Variants in SIPA1L1 observed in about 807,000 individuals in gnomAD.
SIPA1L1 encodes the protein signal induced proliferation associated 1 like 1.
A neutral mutation model predicts 162.7 loss-of-function variants in SIPA1L1; 26 were observed. The ratio of observed to expected loss-of-function variants is 0.16; its 90% CI spans 0.12 to 0.22. The LOEUF is 0.22. Among genes scored for constraint, SIPA1L1 ranks in the 10% least tolerant of loss-of-function variants. The pLI is 1.00. For synonymous variants in SIPA1L1, 829 were observed against 837.4 expected, an observed-to-expected ratio of 0.99 and a Z score of 0.17; for missense variants, 1,874 against 2,241.0, an observed-to-expected ratio of 0.84 and a Z score of 3.31.
chr14:71,325,174 C>G (rs1193116360), intron 2 of SIPA1L1, among the ~76,000 whole-genome samples: 1 of 152,174 alleles, frequency 6.6e-6, no homozygotes, highest in African/African-American at 2.4e-5. Context: ...ATCTGACCTT[C>G]TATCTGCTGC....
chr14:71,609,122 C>G (rs1314867097), intron 5 of SIPA1L1, among the ~76,000 whole-genome samples: 2 of 152,044 alleles, frequency 1.3e-5, no homozygotes, highest in African/African-American at 4.8e-5. Flanking sequence ...CATGCCATCT[C>G]TTATTTAAAG....
At chr14:71,625,281 G>A (rs1328154558) in intron 7 of SIPA1L1, among the ~76,000 whole-genome samples, 1 of 151,078 alleles carries the variant, frequency 6.6e-6, no homozygotes, top group African/African-American at 2.4e-5. Context: ...GCAATAGTTA[G>A]ATGTCTCTTT....
intron 17 of SIPA1L1, among the ~76,000 whole-genome samples, chr14:71,716,238 A>G (rs1423145770): frequency 1.3e-5 from 2 of 152,228 alleles, no homozygotes; most frequent in African/African-American, 2.4e-5. Flanking sequence ...TGCTGAACAC[A>G]GTGGGAGGAG....
chr14:71,490,780 G>T (rs1322025948), intron 2 of SIPA1L1, among the ~76,000 whole-genome samples: 5 of 152,104 alleles, frequency 3.3e-5, no homozygotes, highest in African/African-American at 4.8e-5. Flanking sequence ...CAAAGTAATT[G>T]CTTACAATAG....
intron 7 of SIPA1L1, among the ~76,000 whole-genome samples, chr14:71,633,568 C>A (rs189975443): frequency 6.6e-6 from 1 of 152,146 alleles, no homozygotes; most frequent in South Asian, 2.1e-4. Context: ...AAAAATAGAA[C>A]AGTCAAAATG....
At chr14:71,590,008 T>A (rs1447924022) in intron 5 of SIPA1L1, among the ~76,000 whole-genome samples, 1 of 136,464 alleles carries the variant, frequency 7.3e-6, no homozygotes, top group African/African-American at 2.8e-5. Context: ...AATCTTTTCT[T>A]TGAGTGGGAG....
intron 2 of SIPA1L1, among the ~76,000 whole-genome samples, chr14:71,333,732 G>A (rs1372365724): frequency 6.6e-6 from 1 of 152,212 alleles, no homozygotes. Context: ...GGAAGCCACT[G>A]GAGGGTTTTG....
At chr14:71,627,675 T>A (rs370040254) in intron 7 of SIPA1L1, among the ~76,000 whole-genome samples, 3 of 152,212 alleles carry the variant, frequency 2.0e-5, no homozygotes, top group Non-Finnish European at 4.4e-5. Context: ...CTAATCACTT[T>A]ACTGGCATAA....
intron 7 of SIPA1L1, among the ~76,000 whole-genome samples, chr14:71,638,929 T>C (rs969895683): frequency 1.6e-4 from 25 of 152,306 alleles, no homozygotes; most frequent in African/African-American, 5.5e-4. Context: ...CCAAACATGA[T>C]AGCCTGTGCC....
Position 71,450,550 on chromosome 14 carries a change from A to G in SIPA1L1, c.-464-62193A>G, listed in dbSNP as rs112877716. 5.2e-3 allele frequency among the ~76,000 whole-genome samples: 799 copies of G among 152,328 alleles called. 10 individuals are homozygous for G. The highest frequency in any genetic ancestry group is 0.018 in the African/African-American group (751 of 41,574). Reference sequence around the variant, plus strand: ...TTACAGACTTTTAATTTATGGCTCTATCTAGTACTGCATTCAACTTCGGAG... The same window carrying G: ...TTACAGACTTTTAATTTATGGCTCTGTCTAGTACTGCATTCAACTTCGGAG... On this transcript the variant is annotated intron_variant, in intron 2 of 23. Coordinates refer to ENST00000381232, the MANE Select transcript of SIPA1L1 (RefSeq NM_001386936.1).
chr14:71,380,716 G>A (rs950031554), intron 2 of SIPA1L1, among the ~76,000 whole-genome samples: 3 of 152,202 alleles, frequency 2.0e-5, no homozygotes, highest in Non-Finnish European at 4.4e-5. Context: ...GCAGGGAAAT[G>A]ATTCCAAGTA....
intron 2 of SIPA1L1, among the ~76,000 whole-genome samples, chr14:71,512,431 AC>A (rs1453659669): frequency 6.6e-6 from 1 of 151,848 alleles, no homozygotes; most frequent in African/African-American, 2.4e-5. Context: ...TACTAAAAAT[AC>A]AAAAATTAGC....
At chr14:71,361,666 G>C (rs1401466628) in intron 2 of SIPA1L1, among the ~76,000 whole-genome samples, 2 of 152,124 alleles carry the variant, frequency 1.3e-5, no homozygotes, top group African/African-American at 4.8e-5. Context: ...TGAGAAAAAA[G>C]CCTCCTGAGA....
chr14:71,624,163 A>G lies in SIPA1L1; in HGVS notation c.1745A>G (p.Asn582Ser), dbSNP rs879078160. Residue 582 changes from asparagine (N) to serine (S), a missense_variant, in exon 7 of 24, where the codon AAT (asparagine) becomes AGT (serine). Around this residue, in one of 5 missense-constraint regions of SIPA1L1, gnomAD observed 685 missense variants for 828.0 expected, o/e 0.83. Transcript: ENST00000381232. ...EVLEHVVPEL[N>S]VQCLRLAFNT... ...CTGGAGCACGTGGTTCCTGAGCTCA[A>G]TGTCCAGTGCCTGCGGTTGGCCTTC... 6 of 1,614,208 alleles carry G rather than the reference A, an allele frequency of 3.7e-6. No individual in the cohort carries two copies.
intron 2 of SIPA1L1, among the ~76,000 whole-genome samples, chr14:71,444,027 G>A (rs2045139724): frequency 6.6e-6 from 1 of 152,128 alleles, no homozygotes; most frequent in African/African-American, 2.4e-5. Flanking sequence ...AGACAATCTT[G>A]TTTTTCTTCA....
At chr14:71,570,464 C>T (rs1368814156) in intron 4 of SIPA1L1, among the ~76,000 whole-genome samples, 1 of 151,930 alleles carries the variant, frequency 6.6e-6, no homozygotes, top group Admixed American at 6.6e-5. Flanking sequence ...AGAGTTCTGC[C>T]ATGTTGCCTA....
intron 3 of SIPA1L1, among the ~76,000 whole-genome samples, chr14:71,526,756 A>G (rs1409069313): frequency 1.3e-5 from 2 of 152,230 alleles, no homozygotes; most frequent in African/African-American, 2.4e-5. Context: ...TTCCTGCTCT[A>G]TAATATTCCA....
At chr14:71,385,483 C>G (rs1243015872) in intron 2 of SIPA1L1, among the ~76,000 whole-genome samples, 1 of 152,036 alleles carries the variant, frequency 6.6e-6, no homozygotes, top group African/African-American at 2.4e-5. Flanking sequence ...CTAATAAAAC[C>G]TCTATTGAAT....
At chr14:71,429,723 A>T (rs778443420) in intron 2 of SIPA1L1, among the ~76,000 whole-genome samples, 1 of 152,132 alleles carries the variant, frequency 6.6e-6, no homozygotes, top group African/African-American at 2.4e-5. Flanking sequence ...CTTTAGTCCT[A>T]TATGTTTATA....
Sources: allele counts gnomAD v4.1 joint callset (sites outside exome capture counted in the v4.1 genomes callset), GRCh38; gene constraint gnomAD v4.1.1; regional missense constraint gnomAD v4.1.1; transcripts MANE v1.5; gene names NCBI Gene and HGNC (gene_info 2026-07-23, HGNC 2026-07-21).